EHBP1: variants seen among roughly 807,000 people sequenced by gnomAD.
EHBP1 encodes the protein EH domain-binding protein 1.
EHBP1 carries 55 observed loss-of-function variants against 144.0 expected under a neutral mutation model. The ratio of observed to expected loss-of-function variants is 0.38; its 90% CI spans 0.31 to 0.48. The LOEUF is 0.48. Ranked by LOEUF, EHBP1 falls within the 20% of genes least tolerant of loss-of-function variation. The probability of loss-of-function intolerance (pLI) is 0.98; values close to 1 mark genes in which losing one functional copy is unlikely to be tolerated. For missense variants in EHBP1, 1,200 were observed against 1,364.2 expected (o/e 0.88, Z 1.90); for synonymous variants, 469 against 472.7 (o/e 0.99, Z 0.10).
intron 5 of EHBP1, among the ~76,000 whole-genome samples, chr2:62,773,133 A>G (rs2041793559): frequency 6.6e-6 from 1 of 152,230 alleles, no homozygotes. Context: ...CAAAAGGATG[A>G]GTTTATGTAA....
intron 10 of EHBP1, among the ~76,000 whole-genome samples, chr2:62,890,853 A>G (rs539415284): frequency 6.6e-6 from 1 of 152,340 alleles, no homozygotes; most frequent in South Asian, 2.1e-4. Context: ...CCTATAGTGT[A>G]ATTAATCTAT....
chr2:62,960,836 A>G (rs1044703148), intron 14 of EHBP1, among the ~76,000 whole-genome samples: 4 of 152,204 alleles, frequency 2.6e-5, no homozygotes, highest in Admixed American at 2.6e-4. Context: ...TACAGATAAG[A>G]TTACTTTTGC....
At chr2:62,765,264 T>G (rs775690221) in intron 4 of EHBP1, among the ~76,000 whole-genome samples, 4 of 152,296 alleles carry the variant, frequency 2.6e-5, no homozygotes, top group Non-Finnish European at 5.9e-5. Context: ...GACTTGGCCC[T>G]ATAAGATGTG....
chr2:62,921,984 G>C (rs1433159752), intron 10 of EHBP1, among the ~76,000 whole-genome samples: 3 of 152,178 alleles, frequency 2.0e-5, no homozygotes, highest in African/African-American at 7.2e-5. Flanking sequence ...AGACCAGCCT[G>C]GCCAAGATGG....
chr2:62,701,498 A>G (rs1165697659), upstream of EHBP1, among the ~76,000 whole-genome samples: 1 of 152,222 alleles, frequency 6.6e-6, no homozygotes, highest in Non-Finnish European at 1.5e-5. Flanking sequence ...TCAACAGGTT[A>G]GGCTTTTGAA....
chr2:62,840,349 T>A (rs2047708690), intron 7 of EHBP1, among the ~76,000 whole-genome samples: 1 of 127,530 alleles, frequency 7.8e-6, no homozygotes, highest in Non-Finnish European at 1.7e-5. Flanking sequence ...CAAGATGGAT[T>A]AAAGACTGAA....
chr2:63,007,113 A>G (rs1425722844), intron 19 of EHBP1, among the ~76,000 whole-genome samples: 2 of 151,890 alleles, frequency 1.3e-5, no homozygotes, highest in African/African-American at 4.8e-5. Flanking sequence ...AAGAAGCAGC[A>G]TACACTTCTT....
chr2:63,021,224 C>T (rs745578955), intron 19 of EHBP1, among the ~76,000 whole-genome samples: 4 of 152,020 alleles, frequency 2.6e-5, no homozygotes, highest in Non-Finnish European at 5.9e-5. Flanking sequence ...CTTATACTCT[C>T]TCCGTCTCTC....
At chr2:62,907,839 A>G (rs1165261061) in intron 10 of EHBP1, among the ~76,000 whole-genome samples, 2 of 152,130 alleles carry the variant, frequency 1.3e-5, no homozygotes, top group African/African-American at 4.8e-5. Context: ...TTTTCTAATT[A>G]AGTTATTTGC....
At position 62,846,048 on chromosome 2, in the gene EHBP1, A is replaced by T. The variant is rs184555263; in HGVS notation, c.635-13121A>T. ...CAGGAATATATCTTTGCAGTCTTAG[A>T]ACTCAAATATGTCAACTCAGAGAAT... On this transcript the variant is annotated intron_variant, in intron 7 of 22. Coordinates refer to ENST00000431489, the MANE Select transcript of EHBP1 (RefSeq NM_001142616.3). 1.6e-3 allele frequency among the ~76,000 whole-genome samples: 251 copies of T among 152,324 alleles called. 2 individuals are homozygous for T. Among genetic ancestry groups the T allele is most frequent in the Non-Finnish European group, 2.7e-3 (187 of 68,034 alleles).
chr2:62,730,341 A>G (rs1334070479), intron 2 of EHBP1, among the ~76,000 whole-genome samples: 2 of 152,082 alleles, frequency 1.3e-5, no homozygotes, highest in Non-Finnish European at 2.9e-5. Context: ...GCAACTACTA[A>G]TCTTTTTACT....
At chr2:62,715,367 G>A (rs1227285626) in intron 2 of EHBP1, among the ~76,000 whole-genome samples, 1 of 151,962 alleles carries the variant, frequency 6.6e-6, no homozygotes, top group Non-Finnish European at 1.5e-5. Flanking sequence ...GCCTGCTTCG[G>A]CCTCCCAAAG....
At position 62,747,376 on chromosome 2, in the gene EHBP1, C is replaced by T; in HGVS notation, c.105-19C>T. The T allele has an allele frequency of 6.3e-7, 1 of 1,579,194 alleles. No individual in the cohort carries two copies. The highest frequency in any genetic ancestry group is 8.6e-7 in the Non-Finnish European group (1 of 1,157,688). On this transcript the variant is annotated intron_variant, in intron 2 of 22. Transcript: ENST00000431489. ...TTTATTTAAGATAAATTATGTTTAA[C>T]TTTTTTTTTGTTTGGCAGGCAACCA...
chr2:62,692,769 G>A (rs1262124648), intron 1 of EHBP1, among the ~76,000 whole-genome samples: 1 of 151,480 alleles, frequency 6.6e-6, no homozygotes, highest in Admixed American at 6.6e-5. Flanking sequence ...CACATAGTAG[G>A]TGTATATATT....
chr2:62,711,267 A>G (rs2035121751), intron 2 of EHBP1, among the ~76,000 whole-genome samples: 1 of 152,222 alleles, frequency 6.6e-6, no homozygotes, highest in African/African-American at 2.4e-5. Flanking sequence ...TGACAATTTT[A>G]TGTACCCATG....
intron 5 of EHBP1, among the ~76,000 whole-genome samples, chr2:62,824,365 T>G (rs1034029277): frequency 2.6e-5 from 4 of 152,008 alleles, no homozygotes; most frequent in African/African-American, 9.7e-5. Context: ...TCCTATATTA[T>G]ATGTAGAAAT....
intron 7 of EHBP1, among the ~76,000 whole-genome samples, chr2:62,835,746 A>C (rs2047175857): frequency 1.3e-5 from 2 of 152,164 alleles, no homozygotes; most frequent in South Asian, 4.1e-4. Flanking sequence ...CACCTGGAAA[A>C]TCGGGTCACT....
chr2:62,986,346 A>T (rs114746831), intron 15 of EHBP1, among the ~76,000 whole-genome samples: 234 of 152,090 alleles, frequency 1.5e-3, no homozygotes, highest in Non-Finnish European at 3.0e-3. Flanking sequence ...ATAATACCTT[A>T]GCTAGTTCTC....
At chr2:62,907,855 C>T (rs1427607643) in intron 10 of EHBP1, among the ~76,000 whole-genome samples, 3 of 152,132 alleles carry the variant, frequency 2.0e-5, no homozygotes, top group African/African-American at 7.2e-5. Flanking sequence ...TTTGCTATTG[C>T]ATTATTATTG....
Sources: gnomAD v4.1 joint callset for allele counts (sites outside exome capture counted in the v4.1 genomes callset) on GRCh38, gnomAD v4.1.1 for gene constraint, MANE v1.5 for transcripts, NCBI Gene and HGNC (gene_info 2026-07-23, HGNC 2026-07-21) for gene names.